Variants in TENM4 observed in about 807,000 individuals in gnomAD.
TENM4 encodes the protein teneurin-4.
A neutral mutation model predicts 243.3 loss-of-function variants in TENM4; 82 were observed. The observed-to-expected ratio is 0.34, with a 90% CI of 0.28 to 0.40. TENM4 has a LOEUF of 0.40. Among genes scored for constraint, TENM4 ranks in the 10% least tolerant of loss-of-function variants. The pLI, the probability that TENM4 is intolerant of heterozygous loss-of-function variation, is 1.00. For synonymous variants in TENM4, 1,412 were observed against 1,456.3 expected, an observed-to-expected ratio of 0.97 and a Z score of 0.69; for missense variants, 3,138 against 3,673.3, an observed-to-expected ratio of 0.85 and a Z score of 3.77.
intron 2 of TENM4, among the ~76,000 whole-genome samples, chr11:79,264,383 C>T (rs1337315216): frequency 6.6e-6 from 1 of 152,142 alleles, no homozygotes; most frequent in African/African-American, 2.4e-5. Flanking sequence ...AAGGCATTTA[C>T]AAAACAAAGG....
chr11:79,047,344 G>A (rs576765817), intron 6 of TENM4, among the ~76,000 whole-genome samples: 2 of 152,326 alleles, frequency 1.3e-5, no homozygotes, highest in East Asian at 3.9e-4. Flanking sequence ...GTTTCATGAA[G>A]ACACTGTTGT....
intron 1 of TENM4, among the ~76,000 whole-genome samples, chr11:79,346,958 C>T (rs1857336067): frequency 1.3e-5 from 2 of 152,174 alleles, no homozygotes; most frequent in Admixed American, 6.5e-5. Flanking sequence ...CTTATCCCAC[C>T]AAACCACTGC....
chr11:78,721,929 G>T (rs937103848), intron 24 of TENM4, among the ~76,000 whole-genome samples: 5 of 152,286 alleles, frequency 3.3e-5, no homozygotes, highest in African/African-American at 9.6e-5. Context: ...ATCTAGGTTA[G>T]GGAGGCATAG....
At chr11:78,825,682 C>T (rs1488275706) in intron 12 of TENM4, among the ~76,000 whole-genome samples, 1 of 152,170 alleles carries the variant, frequency 6.6e-6, no homozygotes, top group Non-Finnish European at 1.5e-5. Context: ...ATTTGAATAG[C>T]TCTTAAAGAA....
Position 78,891,278 on chromosome 11 carries a change from T to G in TENM4, c.808A>C (p.Ile270Leu). 1 of 1,551,688 alleles carries G rather than the reference T, an allele frequency of 6.4e-7. No homozygotes were observed. The highest frequency in any genetic ancestry group is 8.7e-7 in the Non-Finnish European group (1 of 1,146,994). Residue 270 changes from isoleucine (I) to leucine (L), a missense_variant, in exon 8 of 34, where the codon ATT (isoleucine) becomes CTT (leucine). This residue lies in a region of TENM4 where 671 missense variants were observed against 614.1 expected (regional missense o/e 1.09). Coordinates refer to ENST00000278550, the MANE Select transcript of TENM4 (RefSeq NM_001098816.3). ...CCATCATGGCGGGAGGCGCCGAGAA[T>G]GTCCATCTCAATGAGGTTGTCCTGC... is the stretch of plus-strand genomic sequence containing the variant. ...TLQDNLIEMD[I>L]LGASRHDGAY...
Position 78,688,110 on chromosome 11 carries a change from T to C in TENM4, c.5204A>G (p.Asp1735Gly), listed in dbSNP as rs909355183. ...AGACAGGTTGGTGGTTATGGTGACATCATCCTTGCTGGAGGTCTCTACCTG... is the reference window on the plus strand; with the variant it reads ...AGACAGGTTGGTGGTTATGGTGACACCATCCTTGCTGGAGGTCTCTACCTG... Reference protein sequence around the residue: ...HVQVETSSKDDVTITTNLSAS... With the variant: ...HVQVETSSKDGVTITTNLSAS... Residue 1735 changes from aspartate to glycine, a missense_variant, in exon 29 of 34, where the codon GAT becomes GGT. Physicochemically the swap from Asp to Gly is moderately conservative, Grantham distance 94 (BLOSUM62 -1). Transcript: ENST00000278550. The C allele has an allele frequency of 3.1e-6, 5 of 1,613,846 alleles. No individual in the cohort carries two copies. Among genetic ancestry groups the C allele is most frequent in the Admixed American group, 1.7e-5 (1 of 59,996 alleles).
intron 27 of TENM4, among the ~76,000 whole-genome samples, chr11:78,703,018 CTCTG>C (rs1859147341): frequency 6.6e-6 from 1 of 152,248 alleles, no homozygotes; most frequent in Admixed American, 6.5e-5. Context: ...TAACCATGGC[CTCTG>C]TCTGTCATAG....
chr11:78,734,053 G>A (rs955693958), intron 20 of TENM4, among the ~76,000 whole-genome samples: 2 of 152,108 alleles, frequency 1.3e-5, no homozygotes, highest in African/African-American at 4.8e-5. Flanking sequence ...TGTGAACTAA[G>A]TGATGGTGGG....
intron 2 of TENM4, among the ~76,000 whole-genome samples, chr11:79,294,420 A>G (rs530929529): frequency 6.6e-6 from 1 of 152,204 alleles, no homozygotes; most frequent in Admixed American, 6.5e-5. Context: ...TCTGGGACAC[A>G]TGGCTTGGCA....
intron 6 of TENM4, among the ~76,000 whole-genome samples, chr11:79,028,421 T>A (rs1859139265): frequency 6.6e-6 from 1 of 152,222 alleles, no homozygotes; most frequent in Admixed American, 6.5e-5. Flanking sequence ...AAAGCAGAAC[T>A]GGGCAGAGGG....
intron 1 of TENM4, among the ~76,000 whole-genome samples, chr11:79,303,726 A>G (rs1223164125): frequency 6.6e-6 from 1 of 152,234 alleles, no homozygotes; most frequent in Non-Finnish European, 1.5e-5. Flanking sequence ...CCATTAGACT[A>G]TCAATCATCA....
intron 3 of TENM4, among the ~76,000 whole-genome samples, chr11:79,188,708 G>GCT (rs1399107460): frequency 6.6e-6 from 1 of 151,340 alleles, no homozygotes; most frequent in Non-Finnish European, 1.5e-5. Context: ...GGAGGGAAGG[G>GCT]GGAGACGAGG....
intron 2 of TENM4, among the ~76,000 whole-genome samples, chr11:79,264,179 T>C (rs555281803): frequency 6.6e-6 from 1 of 152,284 alleles, no homozygotes; most frequent in South Asian, 2.1e-4. Flanking sequence ...TCCTTCTCAC[T>C]GAGATACCAC....
In TENM4 at chr11:78,658,639, C is replaced by A. The variant is rs61745704; in HGVS notation, c.7729G>T (p.Gly2577Cys). ...GKGVKFALKDGRVTTDIISVA... is the reference protein window; with the variant it reads ...GKGVKFALKDCRVTTDIISVA... The stretch of plus-strand genomic sequence containing the variant: ...CTGATGATGTCTGTGGTCACTCGGC[C>A]ATCCTTCAAGGCAAACTTGACCCCC... Residue 2577 changes from glycine to cysteine, a missense_variant, in exon 34 of 34, where the codon GGC becomes TGC. This residue lies in a region of TENM4 where 2,467 missense variants were observed against 3,059.1 expected (regional missense o/e 0.81). Transcript: ENST00000278550. 3,644 of 1,614,056 alleles carry A rather than the reference C, an allele frequency of 2.3e-3. 77 individuals carry two copies. The African/African-American group carries it at 0.045, about 20-fold the overall frequency.
At chr11:79,178,807 C>T (rs72935389) in intron 3 of TENM4, among the ~76,000 whole-genome samples, 2 of 152,162 alleles carry the variant, frequency 1.3e-5, no homozygotes, top group African/African-American at 4.8e-5. Context: ...ATAAGAAATA[C>T]CCGTCAGTGG....
rs555509014 is a variant in TENM4 at position 79,026,945 on chromosome 11, T to G, written c.493+37793A>C. 6.6e-5 allele frequency among the ~76,000 whole-genome samples: 10 copies of G among 152,102 alleles called. No homozygotes were observed. In the East Asian group the frequency reaches 1.9e-3, roughly 29 times the overall value. ...ATTCTAACAGAGAGAGAGAGAGAGT[T>G]CATGTGAGTAAGTGAGTGGGCTAGG... On this transcript the variant is annotated intron_variant, in intron 6 of 33. Transcript: ENST00000278550.
chr11:78,903,518 G>A lies in TENM4; in HGVS notation c.499C>T (p.Pro167Ser), dbSNP rs1431343920. The A allele has an allele frequency of 1.9e-6, 3 of 1,546,070 alleles. No homozygotes were observed. Among genetic ancestry groups the A allele is most frequent in the Non-Finnish European group, 1.7e-6 (2 of 1,146,620 alleles). ...TEHENTETDH[P>S]GGLQNHARLR... is the part of the protein sequence containing the mutation. ...CGCGCGTGGTTCTGCAGGCCGCCCG[G>A]ATGATCTAGGGCACAAACATGGCGG... is the stretch of plus-strand genomic sequence containing the variant. Residue 167 changes from proline to serine, a missense_variant, in exon 7 of 34, where the codon CCG becomes TCG. By Grantham distance (74) the Pro-to-Ser change is moderately conservative (BLOSUM62 -1). Coordinates refer to ENST00000278550, the MANE Select transcript of TENM4 (RefSeq NM_001098816.3).
chr11:79,262,348 G>A (rs1394529630), intron 2 of TENM4, among the ~76,000 whole-genome samples: 2 of 152,088 alleles, frequency 1.3e-5, no homozygotes, highest in East Asian at 3.9e-4. Context: ...ACAGAGCCCA[G>A]CCATTGGTCT....
intron 1 of TENM4, among the ~76,000 whole-genome samples, chr11:79,319,836 AG>A (rs1368693271): frequency 6.6e-6 from 1 of 152,122 alleles, no homozygotes; most frequent in Non-Finnish European, 1.5e-5. Context: ...CTAAGCCAGC[AG>A]CCCTCCAACC....
Sources: gnomAD v4.1 joint callset for allele counts (sites outside exome capture counted in the v4.1 genomes callset) on GRCh38, gnomAD v4.1.1 for gene constraint, gnomAD v4.1.1 regional missense constraint, MANE v1.5 for transcripts, NCBI Gene and HGNC (gene_info 2026-07-23, HGNC 2026-07-21) for gene names.